The following GRIK3 variants were observed in gnomAD, a reference collection of about 807,000 sequenced individuals.
GRIK3 encodes the protein glutamate receptor ionotropic, kainate 3.
Under a neutral mutation model 102.5 loss-of-function variants are expected in GRIK3, and 29 were observed. That is an observed-to-expected ratio of 0.28 (90% confidence interval 0.21 to 0.39). The LOEUF (loss-of-function observed/expected upper bound fraction) is 0.39, where lower values mean the gene tolerates loss of function less well. Ranked by LOEUF, GRIK3 falls within the 10% of genes least tolerant of loss-of-function variation. The pLI, the probability that GRIK3 is intolerant of heterozygous loss-of-function variation, is 1.00. For missense variants in GRIK3, 908 were observed against 1,252.4 expected (o/e 0.73, Z 4.15); for synonymous variants, 511 against 504.9 (o/e 1.01, Z -0.16).
chr1:36,941,692 G>A (rs1641721375), intron 1 of GRIK3, among the ~76,000 whole-genome samples: 1 of 152,164 alleles, frequency 6.6e-6, no homozygotes. Context: ...TGTGCTGGGC[G>A]CTTTCTAGGC....
intron 1 of GRIK3, among the ~76,000 whole-genome samples, chr1:37,001,177 T>C (rs1012326215): frequency 2.0e-5 from 3 of 152,190 alleles, no homozygotes; most frequent in African/African-American, 7.2e-5. Context: ...TCACTGTCCA[T>C]AGCACTCAGA....
intron 1 of GRIK3, among the ~76,000 whole-genome samples, chr1:36,897,909 T>A (rs945735913): frequency 6.6e-6 from 1 of 152,136 alleles, no homozygotes; most frequent in African/African-American, 2.4e-5. Flanking sequence ...CATCAACAGA[T>A]GAATGGATAA....
At chr1:36,947,493 T>C (rs1196733458) in intron 1 of GRIK3, among the ~76,000 whole-genome samples, 1 of 152,134 alleles carries the variant, frequency 6.6e-6, no homozygotes, top group Admixed American at 6.6e-5. Context: ...TTCTTTACCC[T>C]AGAATTCAAG....
chr1:36,798,708 C>A lies in GRIK3; in HGVS notation c.*3143G>T, dbSNP rs1642397814. On this transcript the variant is annotated 3_prime_UTR_variant, in exon 16 of 16. Transcript: ENST00000373091. ...ACTAGGCTGGTCTCTAGGACAAATG[C>A]AGGATATTGGCCAGAAGCCAAATAT... 6.6e-6 allele frequency: 1 copy of A among 152,228 alleles called. No homozygotes were observed. Among genetic ancestry groups the A allele is most frequent in the African/African-American group, 2.4e-5 (1 of 41,460 alleles). The allele number at this position is 152,228 out of a possible 1,614,324, so 9.4% of individuals were successfully genotyped here.
At chr1:37,008,621 G>A (rs1009674337) in intron 1 of GRIK3, among the ~76,000 whole-genome samples, 1 of 152,186 alleles carries the variant, frequency 6.6e-6, no homozygotes, top group Non-Finnish European at 1.5e-5. Context: ...AGGAGGGTGG[G>A]CAGGTCACAG....
intron 1 of GRIK3, among the ~76,000 whole-genome samples, chr1:36,954,715 G>A (rs139765210): frequency 1.6e-3 from 236 of 151,982 alleles, no homozygotes; most frequent in South Asian, 8.7e-3. Context: ...CCACACACAC[G>A]CAGAGAAGCA....
intron 1 of GRIK3, among the ~76,000 whole-genome samples, chr1:36,934,351 C>G (rs1486399192): frequency 1.3e-5 from 2 of 152,202 alleles, no homozygotes; most frequent in Non-Finnish European, 2.9e-5. Flanking sequence ...TCCTGGTCAC[C>G]AAGCACTTTT....
chr1:36,814,857 C>G (rs967901353), intron 13 of GRIK3, among the ~76,000 whole-genome samples: 1 of 152,170 alleles, frequency 6.6e-6, no homozygotes, highest in East Asian at 1.9e-4. Context: ...CACACTTGTA[C>G]ACATTCACAG....
chr1:36,929,537 C>T (rs111446341), intron 1 of GRIK3, among the ~76,000 whole-genome samples: 6 of 152,222 alleles, frequency 3.9e-5, no homozygotes, highest in African/African-American at 1.4e-4. Context: ...AAAGGGTGTC[C>T]ATCATCATGT....
intron 1 of GRIK3, among the ~76,000 whole-genome samples, chr1:36,931,427 A>G (rs1276793648): frequency 6.6e-6 from 1 of 152,152 alleles, no homozygotes; most frequent in East Asian, 1.9e-4. Flanking sequence ...TCTGTTATTT[A>G]TTCTTCATTG....
chr1:36,929,205 A>T (rs1367447769), intron 1 of GRIK3, among the ~76,000 whole-genome samples: 1 of 152,026 alleles, frequency 6.6e-6, no homozygotes, highest in Non-Finnish European at 1.5e-5. Flanking sequence ...GCTAAACCCC[A>T]TTCAGCTTTG....
At chr1:36,822,235 GCT>G in intron 11 of GRIK3, among the ~76,000 whole-genome samples, 1 of 152,232 alleles carries the variant, frequency 6.6e-6, no homozygotes. Flanking sequence ...CTAAAGTGTG[GCT>G]CAATGGTGAT....
chr1:37,003,425 TC>T (rs35912911), intron 1 of GRIK3, among the ~76,000 whole-genome samples: 11,472 of 152,248 alleles, frequency 0.075, 624 homozygotes, highest in South Asian at 0.21. Flanking sequence ...ATCCCATATT[TC>T]AGCTCAGTTG....
At chr1:36,987,286 T>C (rs929275098) in intron 1 of GRIK3, among the ~76,000 whole-genome samples, 1 of 147,336 alleles carries the variant, frequency 6.8e-6, no homozygotes, top group Admixed American at 6.8e-5. Flanking sequence ...AGAGCTCCCC[T>C]GGCAGCACTG....
rs186469465 is a variant in GRIK3, at chr1:36,802,136, A to G, written c.2566-91T>C. ...AGCCAGTTCCTCCCCTTTCTCCCAG[A>G]GTCTGTGCTAAGGTTACCCGTCTTT... On this transcript the variant is annotated intron_variant, in intron 15 of 15. Coordinates refer to ENST00000373091, the MANE Select transcript of GRIK3 (RefSeq NM_000831.4). The G allele has an allele frequency of 3.7e-4, 338 of 902,896 alleles. 1 individual carries two copies. In the East Asian group the frequency reaches 5.0e-3, roughly 13 times the overall value. 55.9% of individuals were successfully genotyped at this position (902,896 alleles called of 1,614,324 possible).
intron 1 of GRIK3, among the ~76,000 whole-genome samples, chr1:36,921,723 A>C (rs1340447493): frequency 6.6e-6 from 1 of 151,822 alleles, no homozygotes; most frequent in Non-Finnish European, 1.5e-5. Flanking sequence ...TTTCTTTCTT[A>C]GGGAAGTACA....
chr1:36,984,440 TG>T (rs1484369338), intron 1 of GRIK3, among the ~76,000 whole-genome samples: 1 of 152,268 alleles, frequency 6.6e-6, no homozygotes, highest in Non-Finnish European at 1.5e-5. Context: ...TCAGGGCACC[TG>T]GCCCCAGAAA....
chr1:37,021,734 C>T (rs993712368), intron 1 of GRIK3, among the ~76,000 whole-genome samples: 1 of 152,174 alleles, frequency 6.6e-6, no homozygotes, highest in Non-Finnish European at 1.5e-5. Context: ...GGCCTGGCCT[C>T]AGGGGAGAGC....
rs1253568093 is a variant in GRIK3 at position 36,825,609 on chromosome 1, A to G, written c.1748T>C (p.Ile583Thr). 1.3e-6 allele frequency: 2 copies of G among 1,571,202 alleles called. No homozygotes were observed. Among genetic ancestry groups the G allele is most frequent in the South Asian group, 2.4e-5 (2 of 83,928 alleles). The change falls in exon 11 of 16, where the codon ATC becomes ACC. Residue 583 changes from isoleucine (I) to threonine (T), a missense_variant. By Grantham distance (89) the Ile-to-Thr change is moderately conservative. Coordinates refer to ENST00000373091, the MANE Select transcript of GRIK3 (RefSeq NM_000831.4). The stretch of plus-strand genomic sequence containing the variant: ...GGCCAAGGAATTGCCTTACCTGGCG[A>G]TGACGAAGAGGACACAGCTGACCCC... ...YLGVSCVLFVIARFSPYEWYD... is the reference protein window; with the variant it reads ...YLGVSCVLFVTARFSPYEWYD...
Sources: gnomAD v4.1 joint callset for allele counts (sites outside exome capture counted in the v4.1 genomes callset) on GRCh38, gnomAD v4.1.1 for gene constraint, MANE v1.5 for transcripts, NCBI Gene and HGNC (gene_info 2026-07-23, HGNC 2026-07-21) for gene names.